Variants in TAMM41 observed in about 807,000 individuals in gnomAD.
The protein encoded by TAMM41 is phosphatidate cytidylyltransferase, mitochondrial.
TAMM41 carries 36 observed loss-of-function variants against 44.1 expected under a neutral mutation model. The ratio of observed to expected loss-of-function variants is 0.82; its 90% CI spans 0.63 to 1.08. The LOEUF (loss-of-function observed/expected upper bound fraction) is 1.08. TAMM41 is among the 50% of genes least tolerant of loss of function. The pLI is 0.00. For missense variants in TAMM41, 417 were observed against 404.3 expected (o/e 1.03, Z -0.27); for synonymous variants, 164 against 153.1 (o/e 1.07, Z -0.53).
chr3:11,745,077 G>A, the TAMM41 span, among the ~76,000 whole-genome samples: 9 of 152,148 alleles, frequency 5.9e-5, no homozygotes, highest in Non-Finnish European at 1.2e-4. Context: ...TGGTCAGGCT[G>A]GTCTCCAACT....
chr3:11,770,710 G>A, the TAMM41 span, among the ~76,000 whole-genome samples: 16 of 152,152 alleles, frequency 1.1e-4, no homozygotes, highest in Non-Finnish European at 1.9e-4. Context: ...TGTGTTGGGC[G>A]TGAACAGAGC....
chr3:11,808,434 CCTAAACACA>C, intron 6 of TAMM41: 2 of 914,092 alleles, frequency 2.2e-6, no homozygotes, highest in Non-Finnish European at 2.5e-6. Flanking sequence ...GAGCTGGTGA[CCTAAACACA>C]CACTCTGCAA....
At chr3:11,733,007 TG>T in the TAMM41 span, among the ~76,000 whole-genome samples, 1,375 of 132,154 alleles carry the variant, frequency 0.01, 53 homozygotes, top group Middle Eastern at 0.035. Flanking sequence ...TTTGTTTGTT[TG>T]TTTGTTTTGA....
At chr3:11,763,493 T>C in the TAMM41 span, among the ~76,000 whole-genome samples, 1 of 152,220 alleles carries the variant, frequency 6.6e-6, no homozygotes, top group Non-Finnish European at 1.5e-5. Context: ...ATTAAGCTCA[T>C]GCAGTGGTCT....
chr3:11,762,568 C>T, the TAMM41 span, among the ~76,000 whole-genome samples: 1 of 152,238 alleles, frequency 6.6e-6, no homozygotes, highest in Admixed American at 6.5e-5. Flanking sequence ...ACTCCCACTA[C>T]TGTCTTCTAG....
At chr3:11,735,840 G>A in the TAMM41 span, among the ~76,000 whole-genome samples, 1 of 152,092 alleles carries the variant, frequency 6.6e-6, no homozygotes, top group African/African-American at 2.4e-5. Flanking sequence ...GCCAGGCGAG[G>A]GCGCAGCAGG....
the TAMM41 span, among the ~76,000 whole-genome samples, chr3:11,761,348 C>T: frequency 6.6e-6 from 1 of 152,010 alleles, no homozygotes; most frequent in Admixed American, 6.6e-5. Flanking sequence ...CTCTTGATCA[C>T]CCCAGTTTCT....
At chr3:11,725,600 G>A in the TAMM41 span, among the ~76,000 whole-genome samples, 74 of 151,934 alleles carry the variant, frequency 4.9e-4, no homozygotes, top group East Asian at 3.9e-4. Context: ...CACCATGCCC[G>A]GCTAACTTTT....
chr3:11,790,191 G>A (rs996807358), downstream of TAMM41, among the ~76,000 whole-genome samples: 4 of 152,166 alleles, frequency 2.6e-5, no homozygotes, highest in East Asian at 1.9e-4. Flanking sequence ...CCTGGGCTAC[G>A]TGTTGACAGC....
At chr3:11,747,443 C>T in the TAMM41 span, among the ~76,000 whole-genome samples, 129,643 of 152,222 alleles carry the variant, frequency 0.85, 55,782 homozygotes, top group African/African-American at 0.96. Flanking sequence ...TTGTCAAAAG[C>T]CTTTGAACTG....
At position 11,829,800 on chromosome 3, in the gene TAMM41, C is replaced by G. The variant is rs773077923; in HGVS notation, c.476G>C (p.Ser159Thr). The G allele has an allele frequency of 1.3e-5, 21 of 1,614,066 alleles. No individual in the cohort carries two copies. In the African/African-American group the frequency reaches 2.1e-4, roughly 16 times the overall value. Reference sequence around the variant, plus strand: ...CATGAGGAAAGCAGCGGTCACAGCACTCTTCAGATTTCTATCGAGGGCTGA... The same window carrying G: ...CATGAGGAAAGCAGCGGTCACAGCAGTCTTCAGATTTCTATCGAGGGCTGA... The part of the protein sequence containing the change: ...LRSALDRNLK[S>T]AVTAAFLMLP... Residue 159 changes from serine to threonine, a missense_variant, in exon 4 of 8, where the codon AGT (serine) becomes ACT (threonine). Ser to Thr is a moderately conservative substitution (Grantham distance 58, BLOSUM62 1). Coordinates refer to ENST00000455809, the MANE Select transcript of TAMM41 (RefSeq NM_001284401.2).
intron 7 of TAMM41, among the ~76,000 whole-genome samples, chr3:11,802,850 T>A (rs1377249566): frequency 3.3e-5 from 5 of 152,120 alleles, no homozygotes; most frequent in Non-Finnish European, 7.4e-5. Flanking sequence ...AGAGAATACA[T>A]TATGATCAGG....
chr3:11,790,479 C>T lies in TAMM41; in HGVS notation c.*26G>A, dbSNP rs9267. 544,457 of 1,591,760 alleles carry T rather than the reference C, an allele frequency of 0.34. 98,225 individuals carry two copies. Among genetic ancestry groups the T allele is most frequent in the Admixed American group, 0.49 (29,512 of 59,770 alleles). ...GGATCAAACACTTTATTCATCTACACATAACATATATAAAAGCAAGCAAAA... is the reference window on the plus strand; with the variant it reads ...GGATCAAACACTTTATTCATCTACATATAACATATATAAAAGCAAGCAAAA... On this transcript the variant is annotated 3_prime_UTR_variant, in exon 8 of 8. Transcript: ENST00000455809.
chr3:11,737,047 G>T, the TAMM41 span, among the ~76,000 whole-genome samples: 1 of 151,758 alleles, frequency 6.6e-6, no homozygotes, highest in Non-Finnish European at 1.5e-5. Flanking sequence ...GATGGCTCCC[G>T]GGGCAGCCCT....
chr3:11,843,155 C>T (rs1208734856), intron 2 of TAMM41, among the ~76,000 whole-genome samples: 5 of 152,250 alleles, frequency 3.3e-5, no homozygotes, highest in Non-Finnish European at 7.3e-5. Flanking sequence ...TCACTTCCAA[C>T]TTCTTCCTGG....
chr3:11,826,461 C>T (rs368493320), intron 4 of TAMM41, among the ~76,000 whole-genome samples: 4 of 134,400 alleles, frequency 3.0e-5, no homozygotes, highest in African/African-American at 5.7e-5. Context: ...CCCGGGAGGT[C>T]GAGGCTGCAG....
chr3:11,821,710 G>A (rs2078528891), intron 4 of TAMM41, among the ~76,000 whole-genome samples: 1 of 152,188 alleles, frequency 6.6e-6, no homozygotes, highest in African/African-American at 2.4e-5. Context: ...GGGTCTTGGA[G>A]ATAATAATTA....
the TAMM41 span, among the ~76,000 whole-genome samples, chr3:11,764,130 A>T: frequency 6.6e-6 from 1 of 151,996 alleles, no homozygotes; most frequent in Non-Finnish European, 1.5e-5. Flanking sequence ...CAGCCTCCCG[A>T]GTAGCTTGGA....
intron 7 of TAMM41, among the ~76,000 whole-genome samples, chr3:11,798,071 CTG>C (rs1227248106): frequency 6.6e-6 from 1 of 152,148 alleles, no homozygotes; most frequent in East Asian, 1.9e-4. Context: ...AGTTCAACCA[CTG>C]TGGAAGACAA....
Sources: gnomAD v4.1 joint callset for allele counts (sites outside exome capture counted in the v4.1 genomes callset) on GRCh38, gnomAD v4.1.1 for gene constraint, MANE v1.5 for transcripts, NCBI Gene and HGNC (gene_info 2026-07-23, HGNC 2026-07-21) for gene names.